Variants in DCDC2 observed in about 807,000 individuals in gnomAD.
The protein encoded by DCDC2 is doublecortin domain-containing protein 2.
In DCDC2, 40 loss-of-function variants were observed where a neutral mutation model predicts 50.2. The observed-to-expected ratio is 0.80, with a 90% confidence interval of 0.62 to 1.04. DCDC2 has a LOEUF of 1.04. DCDC2 is among the 50% of genes least tolerant of loss of function. The pLI, the probability that DCDC2 is intolerant of heterozygous loss-of-function variation, is 0.00. For missense variants in DCDC2, 570 were observed against 581.9 expected, an observed-to-expected ratio of 0.98 and a Z score of 0.21; for synonymous variants, 234 against 210.6, an observed-to-expected ratio of 1.11 and a Z score of -0.96.
intron 7 of DCDC2, among the ~76,000 whole-genome samples, chr6:24,276,338 T>C (rs1763356722): frequency 2.0e-5 from 3 of 150,430 alleles, no homozygotes. Context: ...ATACTGGAAG[T>C]AAGGATTGGG....
intron 4 of DCDC2, among the ~76,000 whole-genome samples, chr6:24,293,421 A>T (rs1361086821): frequency 6.6e-6 from 1 of 152,204 alleles, no homozygotes; most frequent in East Asian, 1.9e-4. Context: ...GTTAAAGGAA[A>T]ACGGTCATAT....
At chr6:24,347,264 T>C (rs1373793732) in intron 2 of DCDC2, among the ~76,000 whole-genome samples, 13 of 152,120 alleles carry the variant, frequency 8.5e-5, no homozygotes, top group Admixed American at 8.5e-4. Context: ...AGACCAACAT[T>C]GGTAGAGTTA....
At chr6:24,354,438 A>G (rs1376084055) in intron 1 of DCDC2, among the ~76,000 whole-genome samples, 1 of 152,140 alleles carries the variant, frequency 6.6e-6, no homozygotes, top group Non-Finnish European at 1.5e-5. Flanking sequence ...ACTTGTCCCA[A>G]AAAAAGCTTA....
chr6:24,306,682 T>A (rs1759482608), intron 2 of DCDC2, among the ~76,000 whole-genome samples: 1 of 152,192 alleles, frequency 6.6e-6, no homozygotes, highest in Admixed American at 6.5e-5. Context: ...AGAATTTGGA[T>A]ACAAATCACA....
At chr6:24,212,671 C>T (rs914390086) in intron 7 of DCDC2, among the ~76,000 whole-genome samples, 1 of 152,216 alleles carries the variant, frequency 6.6e-6, no homozygotes, top group Non-Finnish European at 1.5e-5. Flanking sequence ...TGCTTGAATG[C>T]ACACTACACC....
chr6:24,353,833 C>T (rs1171756986), intron 1 of DCDC2, among the ~76,000 whole-genome samples: 1 of 152,186 alleles, frequency 6.6e-6, no homozygotes, highest in African/African-American at 2.4e-5. Context: ...CCCTAAACTT[C>T]AAGAGAAGGA....
chr6:24,204,707 A>T (rs1169171935), intron 8 of DCDC2, among the ~76,000 whole-genome samples: 1 of 152,126 alleles, frequency 6.6e-6, no homozygotes, highest in Non-Finnish European at 1.5e-5. Context: ...TTTTTATATC[A>T]AACTTTATCA....
At chr6:24,329,925 T>C (rs754952546) in intron 2 of DCDC2, among the ~76,000 whole-genome samples, 38 of 152,304 alleles carry the variant, frequency 2.5e-4, no homozygotes, top group Middle Eastern at 3.4e-3. Context: ...GAAAAACACA[T>C]TTATTTAAGA....
chr6:24,268,510 A>G (rs1049715108), intron 7 of DCDC2, among the ~76,000 whole-genome samples: 1 of 152,098 alleles, frequency 6.6e-6, no homozygotes, highest in Non-Finnish European at 1.5e-5. Flanking sequence ...AAACATACAA[A>G]AAGTGCGTGA....
At chr6:24,363,552 C>T in the DCDC2 span, among the ~76,000 whole-genome samples, 1 of 152,232 alleles carries the variant, frequency 6.6e-6, no homozygotes, top group African/African-American at 2.4e-5. Context: ...GCTGTTTCCT[C>T]AAGAGCCTAG....
intron 2 of DCDC2, among the ~76,000 whole-genome samples, chr6:24,325,216 G>A (rs1238869019): frequency 3.8e-5 from 5 of 132,552 alleles, no homozygotes; most frequent in East Asian, 4.0e-4. Flanking sequence ...ACTTCTCCTC[G>A]GTTCTCAAAT....
chr6:24,381,113 C>T, the DCDC2 span, among the ~76,000 whole-genome samples: 2 of 150,932 alleles, frequency 1.3e-5, no homozygotes, highest in East Asian at 1.9e-4. Flanking sequence ...TAGAAAAACA[C>T]GTTAAAAAAT....
chr6:24,296,627 AC>A (rs1466386098), intron 4 of DCDC2, among the ~76,000 whole-genome samples: 10 of 152,320 alleles, frequency 6.6e-5, no homozygotes, highest in East Asian at 5.8e-4. Context: ...AAGAAAAAAA[AC>A]AACCCCATTA....
Sources: allele counts gnomAD v4.1 joint callset (sites outside exome capture counted in the v4.1 genomes callset), GRCh38; gene constraint gnomAD v4.1.1; transcripts MANE v1.5; gene names NCBI Gene and HGNC (gene_info 2026-07-23, HGNC 2026-07-21).